Variants in AMZ1 observed in about 807,000 individuals in gnomAD.
AMZ1 encodes the protein archaelysin family metallopeptidase 1.
Under a neutral mutation model 29.9 loss-of-function variants are expected in AMZ1, and 39 were observed. That is an observed-to-expected ratio of 1.30 (90% CI 1.01 to 1.70). The LOEUF is 1.70. AMZ1 is among the 40% of genes most tolerant of loss of function. AMZ1 has a pLI of 0.00. For synonymous variants in AMZ1, 458 were observed against 304.0 expected, an observed-to-expected ratio of 1.51 and a Z score of -5.27; for missense variants, 1,041 against 680.6, an observed-to-expected ratio of 1.53 and a Z score of -5.89.
chr7:2,705,364 C>T (rs1236748980), intron 3 of AMZ1, among the ~76,000 whole-genome samples: 2 of 152,214 alleles, frequency 1.3e-5, no homozygotes, highest in Non-Finnish European at 2.9e-5. Flanking sequence ...CCGTTTTTCT[C>T]ATTAGGTCTC....
At chr7:2,704,190 C>T (rs1788217977) in intron 3 of AMZ1, among the ~76,000 whole-genome samples, 1 of 152,146 alleles carries the variant, frequency 6.6e-6, no homozygotes, top group African/African-American at 2.4e-5. Flanking sequence ...TGCCTGGCCT[C>T]ATCTAAGGTA....
chr7:2,686,710 TTCTC>T (rs544683237), upstream of AMZ1, among the ~76,000 whole-genome samples: 529 of 151,962 alleles, frequency 3.5e-3, 1 homozygote, highest in Middle Eastern at 6.8e-3. Flanking sequence ...TGTGTTGTTT[TTCTC>T]TCTCTCTCTT....
At chr7:2,763,880 G>T (rs900505227), upstream of AMZ1, among the ~76,000 whole-genome samples, 4 of 152,214 alleles carry the variant, frequency 2.6e-5, no homozygotes, top group African/African-American at 9.6e-5. Flanking sequence ...GGGAGACGGA[G>T]AGAGAAGGAG....
At chr7:2,721,773 T>C (rs1789432373), downstream of AMZ1, among the ~76,000 whole-genome samples, 1 of 151,222 alleles carries the variant, frequency 6.6e-6, no homozygotes, top group South Asian at 2.1e-4. Context: ...CCCCCACTTC[T>C]CAGCAGTGGC....
At chr7:2,760,000 A>G (rs1264032100), upstream of AMZ1, among the ~76,000 whole-genome samples, 1 of 152,266 alleles carries the variant, frequency 6.6e-6, no homozygotes, top group Non-Finnish European at 1.5e-5. Flanking sequence ...ATGCATAAAA[A>G]TGACAGGAAC....
At chr7:2,682,397 G>A (rs1399022126) in intron 1 of AMZ1, among the ~76,000 whole-genome samples, 1 of 152,182 alleles carries the variant, frequency 6.6e-6, no homozygotes, top group Non-Finnish European at 1.5e-5. Context: ...TGCCCAGGAG[G>A]CCTCAGGCCG....
chr7:2,692,295 C>T (rs1420117875), intron 1 of AMZ1, among the ~76,000 whole-genome samples: 1 of 152,106 alleles, frequency 6.6e-6, no homozygotes, highest in African/African-American at 2.4e-5. Context: ...AATCCCAACA[C>T]TCTGGGAGGC....
chr7:2,713,054 A>G lies in AMZ1; in HGVS notation c.*176A>G. ...GGAGTTTGAGACCAGACTGGGCAAC[A>G]TGGTGAGACTCTGCCTCTACAAAAG... On this transcript the variant is annotated 3_prime_UTR_variant, in exon 7 of 7. Transcript: ENST00000683327. 1 of 585,918 alleles carries G rather than the reference A, an allele frequency of 1.7e-6. No homozygotes were observed. Among genetic ancestry groups the G allele is most frequent in the East Asian group, 3.4e-5 (1 of 29,368 alleles). The allele number at this position is 585,918 out of a possible 1,614,324, so 36.3% of individuals were successfully genotyped here.
At chr7:2,757,614 G>A (rs889831109) in intron 4 of AMZ1, among the ~76,000 whole-genome samples, 2 of 152,212 alleles carry the variant, frequency 1.3e-5, no homozygotes, top group Non-Finnish European at 2.9e-5. Flanking sequence ...TGGATGCCCA[G>A]GCTGCTGACC....
At chr7:2,732,525 G>A (rs539406142) in intron 4 of AMZ1, among the ~76,000 whole-genome samples, 8 of 152,268 alleles carry the variant, frequency 5.3e-5, no homozygotes, top group Admixed American at 2.6e-4. Context: ...CAGCCTGGGT[G>A]ACAGAGTGAG....
At chr7:2,740,548 CCAGT>C (rs1284706133) in intron 4 of AMZ1, among the ~76,000 whole-genome samples, 1 of 152,092 alleles carries the variant, frequency 6.6e-6, no homozygotes, top group African/African-American at 2.4e-5. Context: ...TTTAACCCAC[CCAGT>C]CAGAGTATTT....
At chr7:2,692,128 C>A (rs992544529) in intron 1 of AMZ1, among the ~76,000 whole-genome samples, 1 of 152,168 alleles carries the variant, frequency 6.6e-6, no homozygotes, top group Non-Finnish European at 1.5e-5. Context: ...TCTCCTGTGG[C>A]GTCGGGTGCT....
At chr7:2,722,576 A>G (rs1309448663), downstream of AMZ1, among the ~76,000 whole-genome samples, 1 of 152,136 alleles carries the variant, frequency 6.6e-6, no homozygotes, top group Non-Finnish European at 1.5e-5. Flanking sequence ...CAGCCAGGAC[A>G]TTTTGAATGT....
downstream of AMZ1, among the ~76,000 whole-genome samples, chr7:2,724,245 G>A (rs1332785933): frequency 6.6e-6 from 1 of 152,208 alleles, no homozygotes; most frequent in African/African-American, 2.4e-5. Context: ...TAACAGACGA[G>A]CTACACGGTC....
At chr7:2,760,877 C>T (rs1048335191), upstream of AMZ1, among the ~76,000 whole-genome samples, 18 of 152,204 alleles carry the variant, frequency 1.2e-4, no homozygotes, top group Admixed American at 6.5e-5. Context: ...GTTGTCACAT[C>T]CTCACAGCAA....
At chr7:2,703,804 A>G (rs1312062085) in intron 3 of AMZ1, among the ~76,000 whole-genome samples, 5 of 152,274 alleles carry the variant, frequency 3.3e-5, no homozygotes, top group South Asian at 4.2e-4. Flanking sequence ...TCTCTTCTCT[A>G]TAATATCTTT....
chr7:2,745,973 T>C (rs1018595522), intron 4 of AMZ1, among the ~76,000 whole-genome samples: 26 of 152,140 alleles, frequency 1.7e-4, no homozygotes, highest in African/African-American at 6.3e-4. Context: ...GAGCTAACTA[T>C]CCTAAATATA....
chr7:2,754,751 A>C (rs574446731), intron 4 of AMZ1, among the ~76,000 whole-genome samples: 1 of 152,230 alleles, frequency 6.6e-6, no homozygotes, highest in East Asian at 1.9e-4. Context: ...CCTGCCTCAA[A>C]AGGAGGACTT....
At chr7:2,746,290 A>C (rs1790759780) in intron 4 of AMZ1, among the ~76,000 whole-genome samples, 1 of 152,260 alleles carries the variant, frequency 6.6e-6, no homozygotes, top group African/African-American at 2.4e-5. Context: ...ACTCCTCAGC[A>C]AATGTAAAAG....
Sources: gnomAD v4.1 joint callset for allele counts (sites outside exome capture counted in the v4.1 genomes callset) on GRCh38, gnomAD v4.1.1 for gene constraint, MANE v1.5 for transcripts, NCBI Gene and HGNC (gene_info 2026-07-23, HGNC 2026-07-21) for gene names.